ATR: variants seen among roughly 807,000 people sequenced by gnomAD.
The protein encoded by ATR is ATR checkpoint kinase.
Under a neutral mutation model 305.3 loss-of-function variants are expected in ATR, and 142 were observed. The observed-to-expected ratio is 0.47, with a 90% CI of 0.41 to 0.53. ATR has a LOEUF of 0.53. Among genes scored for constraint, ATR ranks in the 20% least tolerant of loss-of-function variants. The probability of loss-of-function intolerance (pLI) is 0.00; values close to 1 mark genes in which losing one functional copy is unlikely to be tolerated. For synonymous variants in ATR, 1,050 were observed against 1,068.1 expected (o/e 0.98, Z 0.33); for missense variants, 2,135 against 3,133.1 (o/e 0.68, Z 7.60).
Position 142,449,235 on chromosome 3 carries a change from T to C in ATR, c.*194A>G. The C allele has an allele frequency of 5.3e-6, 3 of 568,368 alleles. No homozygotes were observed. The highest frequency in any genetic ancestry group is 2.3e-5 in the South Asian group (1 of 42,962). The allele number at this position is 568,368 out of a possible 1,614,324, so 35.2% of individuals were successfully genotyped here. A position where few individuals can be genotyped will look rare whatever the true frequency, so the allele number is the denominator to read the frequency against. ...ATTTCTCCAATTATAATGCACAGTA[T>C]GTATTAAGAAAGCAGTTTATTTCTT... On this transcript the variant is annotated 3_prime_UTR_variant, in exon 47 of 47. Transcript: ENST00000350721.
intron 46 of ATR, chr3:142,451,947 T>C (rs1374359233): frequency 1.7e-6 from 2 of 1,172,962 alleles, no homozygotes; most frequent in East Asian, 1.1e-4. Context: ...GCCAAGTATA[T>C]CTATCACTTA....
At chr3:142,512,958 G>A (rs768721859) in intron 26 of ATR, among the ~76,000 whole-genome samples, 2 of 151,762 alleles carry the variant, frequency 1.3e-5, no homozygotes, top group East Asian at 1.9e-4. Flanking sequence ...ATATGTTAAC[G>A]ACTAAAGAAA....
Position 142,466,303 on chromosome 3 carries a change from T to G in ATR, c.6897+21A>C, listed in dbSNP as rs760846421. ...TAACAACTAAATTTTAAAATCATAGTCATATAAAACTGAAGTTTACCATAT... is the reference window on the plus strand; with the variant it reads ...TAACAACTAAATTTTAAAATCATAGGCATATAAAACTGAAGTTTACCATAT... On this transcript the variant is annotated intron_variant, in intron 40 of 46. Transcript: ENST00000350721. 8 of 1,597,340 alleles carry G rather than the reference T, an allele frequency of 5.0e-6. No individual in the cohort carries two copies. In the South Asian group the frequency reaches 8.8e-5, roughly 18 times the overall value.
At chr3:142,545,350 G>A (rs932068439) in intron 16 of ATR, among the ~76,000 whole-genome samples, 2 of 150,172 alleles carry the variant, frequency 1.3e-5, no homozygotes, top group South Asian at 4.1e-4. Context: ...GAATGAGAAA[G>A]ATCCAGGAGA....
chr3:142,573,676 A>G (rs12639363), intron 1 of ATR, among the ~76,000 whole-genome samples: 51,296 of 151,964 alleles, frequency 0.34, 9,173 homozygotes, highest in Middle Eastern at 0.44. Flanking sequence ...GAAAAAAACA[A>G]TTGATCCTAA....
In ATR at chr3:142,559,340, C is replaced by T. The variant is rs1374321250; in HGVS notation, c.1643G>A (p.Arg548Lys). The change falls in exon 7 of 47, where the codon AGA (arginine) becomes AAA (lysine). Residue 548 changes from arginine to lysine, a missense_variant. Arg to Lys is a conservative substitution (Grantham distance 26). Coordinates refer to ENST00000350721, the MANE Select transcript of ATR (RefSeq NM_001184.4). ...TTTCTGAACAGATTCTAACAAACTT[C>T]TACAGCTCTTAAGCACTTTTGTGTA... ...DFYTKVLKSC[R>K]SLLESVQKLD... The T allele has an allele frequency of 2.5e-6, 4 of 1,613,844 alleles. No individual in the cohort carries two copies. Among genetic ancestry groups the T allele is most frequent in the African/African-American group, 1.3e-5 (1 of 74,934 alleles).
chr3:142,449,703 T>C, intron 46 of ATR, 101 bp from the exon 47 acceptor site: 1 of 1,230,930 alleles, frequency 8.1e-7, no homozygotes, highest in Non-Finnish European at 1.2e-6. Context: ...ACCATTTTAC[T>C]GACCAATACC....
chr3:142,559,945 T>C (rs1473507252), intron 6 of ATR, among the ~76,000 whole-genome samples: 1 of 152,204 alleles, frequency 6.6e-6, no homozygotes, highest in Non-Finnish European at 1.5e-5. Flanking sequence ...GTTCTGGTAC[T>C]TTCTAATCAT....
At chr3:142,514,315 T>C (rs2032750772) in intron 25 of ATR, among the ~76,000 whole-genome samples, 2 of 151,118 alleles carry the variant, frequency 1.3e-5, no homozygotes, top group South Asian at 4.2e-4. Flanking sequence ...AGTATAATGA[T>C]ATTTTAAAAC....
intron 25 of ATR, among the ~76,000 whole-genome samples, chr3:142,514,174 G>A (rs1418519810): frequency 6.6e-6 from 1 of 152,002 alleles, no homozygotes; most frequent in Non-Finnish European, 1.5e-5. Flanking sequence ...TCGGGAGGCT[G>A]AGGCAGGAGA....
intron 24 of ATR, among the ~76,000 whole-genome samples, chr3:142,517,060 C>T (rs1482712709): frequency 6.7e-6 from 1 of 149,898 alleles, no homozygotes; most frequent in Admixed American, 6.6e-5. Context: ...AATAATCTCT[C>T]AGTTAACCAT....
chr3:142,485,090 A>G (rs770653227), intron 36 of ATR, 50 bp downstream of exon 36: 15 of 1,605,084 alleles, frequency 9.3e-6, no homozygotes, highest in Non-Finnish European at 1.3e-5. Flanking sequence ...TTCAATATTA[A>G]TAGTCATCCT....
At chr3:142,552,797 T>C (rs949054639) in intron 13 of ATR, among the ~76,000 whole-genome samples, 1 of 151,742 alleles carries the variant, frequency 6.6e-6, no homozygotes, top group Non-Finnish European at 1.5e-5. Context: ...AACAAGATCA[T>C]GTCCTTTGCA....
chr3:142,546,308 G>A (rs945295617), intron 16 of ATR, among the ~76,000 whole-genome samples: 6 of 152,088 alleles, frequency 3.9e-5, no homozygotes, highest in African/African-American at 9.7e-5. Context: ...AACTAAGGGG[G>A]GCATTAAGTT....
Position 142,449,430 on chromosome 3 carries a change from C to T in ATR, c.7934G>A (p.Ter2645=), listed in dbSNP as rs2108242030. The change falls in exon 47 of 47, where the codon TGA becomes TAA. Residue 2645 remains the stop codon, a stop_retained_variant. Coordinates refer to ENST00000350721, the MANE Select transcript of ATR (RefSeq NM_001184.4). ...QMYLGWTPYM[*] Reference sequence around the variant, plus strand: ...CATATTCTTTTACATAATTTCATTTCACATATATGGAGTCCAACCAAGATA... The same window carrying T: ...CATATTCTTTTACATAATTTCATTTTACATATATGGAGTCCAACCAAGATA... 1 of 1,602,056 alleles carries T rather than the reference C, an allele frequency of 6.2e-7. No homozygotes were observed. Among genetic ancestry groups the T allele is most frequent in the Non-Finnish European group, 8.6e-7 (1 of 1,169,152 alleles).
At chr3:142,469,995 C>A in intron 37 of ATR, 91 bp downstream of exon 37, 1 of 971,126 alleles carries the variant, frequency 1.0e-6, no homozygotes, top group South Asian at 1.4e-5. Flanking sequence ...TCATTCCAAG[C>A]TTCTAGGAAA....
chr3:142,491,951 T>C (rs13096850), intron 35 of ATR, among the ~76,000 whole-genome samples: 2,760 of 152,322 alleles, frequency 0.018, 38 homozygotes, highest in Middle Eastern at 0.031. Context: ...TTATTTTTTT[T>C]CCTATCTGTG....
chr3:142,562,145 TTTCTTA>T (rs1265577570), intron 4 of ATR, 81 bp downstream of exon 4: 11 of 1,359,920 alleles, frequency 8.1e-6, no homozygotes, highest in South Asian at 2.6e-5. Context: ...GATATTCTAT[TTTCTTA>T]TTATTACATT....
chr3:142,516,489 G>T (rs2032866524), intron 24 of ATR, among the ~76,000 whole-genome samples: 1 of 151,998 alleles, frequency 6.6e-6, no homozygotes, highest in Admixed American at 6.6e-5. Context: ...TTTCATTATT[G>T]GCTCTCTTCT....
Sources: allele counts gnomAD v4.1 joint callset (sites outside exome capture counted in the v4.1 genomes callset), GRCh38; gene constraint gnomAD v4.1.1; transcripts MANE v1.5; gene names NCBI Gene and HGNC (gene_info 2026-07-23, HGNC 2026-07-21).